The following SLC15A5 variants were observed in gnomAD, a reference collection of about 807,000 sequenced individuals.
The protein encoded by SLC15A5 is Peptide/histidine transporter ENSP00000340402.
A neutral mutation model predicts 56.1 loss-of-function variants in SLC15A5; 58 were observed. The observed-to-expected ratio is 1.03, with a 90% CI of 0.84 to 1.29. The LOEUF is 1.29. SLC15A5 is among the 50% of genes most tolerant of loss of function. SLC15A5 has a pLI of 0.00. For synonymous variants in SLC15A5, 264 were observed against 250.5 expected (o/e 1.05, Z -0.51); for missense variants, 681 against 672.1 (o/e 1.01, Z -0.15).
rs1450498198 is a variant in SLC15A5, at chr12:16,243,517, TA to T, written c.975+1062del. 6.6e-6 allele frequency among the ~76,000 whole-genome samples: 1 copy of T among 152,214 alleles called. No individual in the cohort carries two copies. Among genetic ancestry groups the T allele is most frequent in the African/African-American group, 2.4e-5 (1 of 41,452 alleles). On this transcript the variant is annotated intron_variant, in intron 4 of 8. Coordinates refer to ENST00000344941, the MANE Select transcript of SLC15A5 (RefSeq NM_001170798.1). This position sits in a 1 kb window ranked among gnomAD's most constrained non-coding sequence, Gnocchi z 4.4. The stretch of plus-strand genomic sequence containing the variant: ...AGCCACCACGCTGGGCTAAATTTTA[TA>T]TAATTTTCATGTGCTAGAAAATACT...
chr12:16,250,724 A>G (rs896372449), intron 3 of SLC15A5, among the ~76,000 whole-genome samples: 2 of 151,980 alleles, frequency 1.3e-5, no homozygotes, highest in African/African-American at 2.4e-5. Context: ...ATATTCTAAC[A>G]TAATTTATGA....
intron 8 of SLC15A5, among the ~76,000 whole-genome samples, chr12:16,193,230 A>G (rs1401881314): frequency 2.0e-5 from 3 of 152,136 alleles, no homozygotes; most frequent in Admixed American, 6.6e-5. Flanking sequence ...GAATGAGATC[A>G]GCATTTAGGA....
At chr12:16,229,635 AACACACACACATACACACAC>A (rs1365145608) in intron 5 of SLC15A5, among the ~76,000 whole-genome samples, 13 of 99,112 alleles carry the variant, frequency 1.3e-4, no homozygotes, top group African/African-American at 5.3e-4. Context: ...CAAAGTAAGC[AACACACACACATACACACAC>A]ACACACACAC....
rs1863819968 is a variant in SLC15A5 at position 16,189,520 on chromosome 12, A to G, written c.*148T>C. 3.5e-6 allele frequency: 2 copies of G among 578,380 alleles called. No individual in the cohort carries two copies. Among genetic ancestry groups the G allele is most frequent in the Admixed American group, 4.2e-5 (1 of 23,718 alleles). 35.8% of individuals were successfully genotyped at this position (578,380 alleles called of 1,614,324 possible). A position where few individuals can be genotyped will look rare whatever the true frequency, so the allele number is the denominator to read the frequency against. On this transcript the variant is annotated 3_prime_UTR_variant, in exon 9 of 9. Coordinates refer to ENST00000344941, the MANE Select transcript of SLC15A5 (RefSeq NM_001170798.1). ...ATGACAGTTTACTAGAAAATTCATA[A>G]TTAGTCTTTGTAAATAAAGTATACA... is the stretch of plus-strand genomic sequence containing the variant.
chr12:16,208,519 A>G (rs1864044019), intron 7 of SLC15A5, among the ~76,000 whole-genome samples: 1 of 152,100 alleles, frequency 6.6e-6, no homozygotes, highest in South Asian at 2.1e-4. Context: ...AACAATGCAA[A>G]AAAATTAGCC....
chr12:16,218,413 C>A (rs2417545), intron 6 of SLC15A5, among the ~76,000 whole-genome samples: 5 of 151,910 alleles, frequency 3.3e-5, no homozygotes, highest in Non-Finnish European at 5.9e-5. Context: ...TGCAGTCATG[C>A]GTGGCTTAAT....
Position 16,224,397 on chromosome 12 carries a change from A to G in SLC15A5, c.1351+17T>C, listed in dbSNP as rs1864218138. The G allele has an allele frequency of 6.5e-7, 1 of 1,535,260 alleles. No individual in the cohort carries two copies. Among genetic ancestry groups the G allele is most frequent in the African/African-American group, 1.4e-5 (1 of 72,990 alleles). Reference sequence around the variant, plus strand: ...GTTCAGTATGTTCTAACATTAGTTGAAAAGGTGTTTACTCACGGGCTGGGT... The same window carrying G: ...GTTCAGTATGTTCTAACATTAGTTGGAAAGGTGTTTACTCACGGGCTGGGT... On this transcript the variant is annotated intron_variant, in intron 6 of 8. Transcript: ENST00000344941.
At chr12:16,228,912 G>T (rs913771941) in intron 5 of SLC15A5, among the ~76,000 whole-genome samples, 11 of 152,176 alleles carry the variant, frequency 7.2e-5, no homozygotes, top group Non-Finnish European at 1.5e-4. Context: ...GGGGTGAAAA[G>T]TTACACGTAG....
intron 7 of SLC15A5, among the ~76,000 whole-genome samples, chr12:16,205,943 T>C (rs1379705905): frequency 1.3e-5 from 2 of 152,150 alleles, no homozygotes; most frequent in Non-Finnish European, 2.9e-5. Flanking sequence ...CTTCACTAAA[T>C]TTTTTTAAGT....
chr12:16,274,501 C>T (rs1464762850), intron 1 of SLC15A5, among the ~76,000 whole-genome samples: 1 of 152,040 alleles, frequency 6.6e-6, no homozygotes, highest in Non-Finnish European at 1.5e-5. Context: ...AAAATTTGGT[C>T]TAATGCTTCC....
chr12:16,210,808 G>T (rs538427299), intron 7 of SLC15A5, among the ~76,000 whole-genome samples: 1 of 152,306 alleles, frequency 6.6e-6, no homozygotes, highest in Non-Finnish European at 1.5e-5. Flanking sequence ...ATAGTCTAAA[G>T]CTGGCTCTTT....
At chr12:16,274,839 A>C (rs1207232240) in intron 1 of SLC15A5, among the ~76,000 whole-genome samples, 3 of 152,130 alleles carry the variant, frequency 2.0e-5, no homozygotes, top group Non-Finnish European at 4.4e-5. Context: ...ATCTTTTGAG[A>C]AAATGTCATA....
intron 4 of SLC15A5, among the ~76,000 whole-genome samples, chr12:16,242,296 T>A (rs996008002): frequency 1.3e-5 from 2 of 152,220 alleles, no homozygotes; most frequent in African/African-American, 4.8e-5. Context: ...AAGTATGATC[T>A]AAGCATTTTC....
rs1863894247 is a variant in SLC15A5, at chr12:16,196,371, T to C, written c.1484-1918A>G. Among the ~76,000 whole-genome samples, 2 of 152,054 alleles carry C rather than the reference T, an allele frequency of 1.3e-5. No individual in the cohort carries two copies. Among genetic ancestry groups the C allele is most frequent in the Non-Finnish European group, 2.9e-5 (2 of 67,994 alleles). On this transcript the variant is annotated intron_variant, in intron 7 of 8. Transcript: ENST00000344941. This position sits in a 1 kb window ranked among gnomAD's most constrained non-coding sequence, Gnocchi z 4.0. ...TTGTGTAGCCTTTTTGATGTGTATA[T>C]GTGTGCTTTTGTGTGTGTGCATGTG...
chr12:16,223,532 A>G (rs1864209286), intron 6 of SLC15A5, among the ~76,000 whole-genome samples: 1 of 152,226 alleles, frequency 6.6e-6, no homozygotes. Flanking sequence ...GATAATTCAG[A>G]AACCCTTGAT....
At chr12:16,199,304 CAAAAAA>C (rs10687463) in intron 7 of SLC15A5, among the ~76,000 whole-genome samples, 1 of 91,362 alleles carries the variant, frequency 1.1e-5, no homozygotes, top group Non-Finnish European at 2.1e-5. Context: ...TAGACTGTCT[CAAAAAA>C]AAAAAAAAAA....
chr12:16,208,945 C>G (rs1465632125), intron 7 of SLC15A5, among the ~76,000 whole-genome samples: 1 of 151,784 alleles, frequency 6.6e-6, no homozygotes, highest in Admixed American at 6.6e-5. Flanking sequence ...CCCACATCCC[C>G]TTCTAGCCAT....
Position 16,189,696 on chromosome 12 carries a change from C to T in SLC15A5, c.1712G>A (p.Ser571Asn). 1 of 1,524,070 alleles carries T rather than the reference C, an allele frequency of 6.6e-7. No individual in the cohort carries two copies. Among genetic ancestry groups the T allele is most frequent in the East Asian group, 2.5e-5 (1 of 40,724 alleles). The allele number at this position is 1,524,070 out of a possible 1,614,324, so 94.4% of individuals were successfully genotyped here. A position where few individuals can be genotyped will look rare whatever the true frequency, so the allele number is the denominator to read the frequency against. ...FYGSIQEFSS[S>N]IDLWETAL ...TAGGGCTGTCTCCCAAAGATCAATACTTGAAGAAAATTCCTGTATACTGCC... is the reference window on the plus strand; with the variant it reads ...TAGGGCTGTCTCCCAAAGATCAATATTTGAAGAAAATTCCTGTATACTGCC... The change falls in exon 9 of 9, where the codon AGT becomes AAT. Residue 571 changes from serine (S) to asparagine (N), a missense_variant. Physicochemically the swap from Ser to Asn is conservative, Grantham distance 46. Coordinates refer to ENST00000344941, the MANE Select transcript of SLC15A5 (RefSeq NM_001170798.1).
intron 4 of SLC15A5, among the ~76,000 whole-genome samples, chr12:16,240,888 C>T (rs996897760): frequency 4.0e-5 from 6 of 151,726 alleles, no homozygotes; most frequent in Non-Finnish European, 8.8e-5. Context: ...TCTCGGCTCA[C>T]GGCAAGCTCC....
Sources: allele counts gnomAD v4.1 joint callset (sites outside exome capture counted in the v4.1 genomes callset), GRCh38; gene constraint gnomAD v4.1.1; non-coding constraint Gnocchi (gnomAD v3.1); transcripts MANE v1.5; gene names NCBI Gene and HGNC (gene_info 2026-07-23, HGNC 2026-07-21).